BTBD9: variants seen among roughly 807,000 people sequenced by gnomAD.
BTBD9 encodes BTB domain containing 9.
In BTBD9, 49 loss-of-function variants were observed where a neutral mutation model predicts 64.3. The ratio of observed to expected loss-of-function variants is 0.76; its 90% CI spans 0.61 to 0.97. The LOEUF (loss-of-function observed/expected upper bound fraction) is 0.97. BTBD9 is among the 50% of genes least tolerant of loss of function. BTBD9 has a pLI of 0.00. For missense variants in BTBD9, 598 were observed against 762.1 expected (o/e 0.78, Z 2.53); for synonymous variants, 260 against 274.7 (o/e 0.95, Z 0.53).
intron 6 of BTBD9, among the ~76,000 whole-genome samples, chr6:38,565,377 AC>A (rs1237736935): frequency 6.6e-6 from 1 of 152,052 alleles, no homozygotes; most frequent in Non-Finnish European, 1.5e-5. Context: ...ACCCCTCAAA[AC>A]AGTCTCCAGA....
chr6:38,418,596 C>T (rs1022244310), intron 6 of BTBD9, among the ~76,000 whole-genome samples: 2 of 152,162 alleles, frequency 1.3e-5, no homozygotes, highest in Non-Finnish European at 2.9e-5. Flanking sequence ...TATTGCTCAA[C>T]CTGTTTTTAA....
Position 38,293,189 on chromosome 6 carries a change from T to C in BTBD9, c.1265-4728A>G, listed in dbSNP as rs147350063. On this transcript the variant is annotated intron_variant, in intron 7 of 10. Transcript: ENST00000481247. The stretch of plus-strand genomic sequence containing the variant: ...AGAACACAAACGAATGGAAAAACAT[T>C]CCATTTGTTTTTCATGGATAGGAAA... Among the ~76,000 whole-genome samples, 800 of 152,274 alleles carry C rather than the reference T, an allele frequency of 5.3e-3. 11 individuals carry two copies. Among genetic ancestry groups the C allele is most frequent in the African/African-American group, 0.018 (742 of 41,556 alleles).
chr6:38,491,357 CCT>C (rs1402558933), intron 6 of BTBD9, among the ~76,000 whole-genome samples: 2 of 152,160 alleles, frequency 1.3e-5, no homozygotes, highest in Non-Finnish European at 1.5e-5. Flanking sequence ...CCAACAAAGC[CCT>C]GAGTCCAGGT....
At chr6:38,193,991 T>C in intron 9 of BTBD9, 5 of 727,556 alleles carry the variant, frequency 6.9e-6, no homozygotes, top group Non-Finnish European at 8.4e-6. Flanking sequence ...GAAAAATCAC[T>C]GTCTCCATAA....
At chr6:38,419,811 G>A (rs568017293) in intron 6 of BTBD9, among the ~76,000 whole-genome samples, 71 of 152,078 alleles carry the variant, frequency 4.7e-4, no homozygotes, top group African/African-American at 1.4e-3. Flanking sequence ...TAGAGGTTGC[G>A]GTAAGCCGAG....
At position 38,423,872 on chromosome 6, in the gene BTBD9, CTA is replaced by C. The variant is rs368331829; in HGVS notation, c.1155-78781_1155-78780del. The stretch of plus-strand genomic sequence containing the variant: ...TTGGTGGTCTAAGATGAATAAGCGA[CTA>C]TATTTTTAAGTAGTTCACGACAGGG... On this transcript the variant is annotated intron_variant, in intron 6 of 10. Transcript: ENST00000481247. Among the ~76,000 whole-genome samples, 85 of 150,196 alleles carry C rather than the reference CTA, an allele frequency of 5.7e-4. No individual in the cohort carries two copies. The Middle Eastern group carries it at 0.01, about 18-fold the overall frequency.
intron 6 of BTBD9, among the ~76,000 whole-genome samples, chr6:38,398,659 G>A (rs1369984578): frequency 6.6e-6 from 1 of 152,108 alleles, no homozygotes; most frequent in African/African-American, 2.4e-5. Context: ...AGAAAAGAAG[G>A]AAACCCCCAA....
chr6:38,382,780 T>G (rs1230619550), intron 6 of BTBD9, among the ~76,000 whole-genome samples: 1 of 152,084 alleles, frequency 6.6e-6, no homozygotes, highest in Non-Finnish European at 1.5e-5. Flanking sequence ...TAAATAACTT[T>G]AAGTCAATAA....
At chr6:38,545,855 T>TACACATAC (rs1774527975) in intron 6 of BTBD9, among the ~76,000 whole-genome samples, 1 of 130,594 alleles carries the variant, frequency 7.7e-6, no homozygotes, top group Admixed American at 7.9e-5. Flanking sequence ...CACACACACA[T>TACACATAC]ACACACACAC....
At chr6:38,302,485 G>GTATGTGTGTGTATATATA (rs1384155514) in intron 7 of BTBD9, among the ~76,000 whole-genome samples, 28 of 106,892 alleles carry the variant, frequency 2.6e-4, no homozygotes, top group African/African-American at 9.6e-4. Flanking sequence ...TTGTGTGTAT[G>GTATGTGTGTGTATATATA]TATATATATA....
At chr6:38,212,848 C>G (rs1222795824) in intron 9 of BTBD9, among the ~76,000 whole-genome samples, 2 of 152,152 alleles carry the variant, frequency 1.3e-5, no homozygotes, top group Non-Finnish European at 2.9e-5. Context: ...AATACCACCC[C>G]CTTCTCCCCC....
chr6:38,402,258 C>T (rs562076821), intron 6 of BTBD9, among the ~76,000 whole-genome samples: 44 of 151,896 alleles, frequency 2.9e-4, no homozygotes, highest in Non-Finnish European at 4.6e-4. Context: ...GTTAAGGTGA[C>T]GATACTTCTC....
At chr6:38,255,935 G>A (rs1308688254) in intron 9 of BTBD9, among the ~76,000 whole-genome samples, 1 of 152,128 alleles carries the variant, frequency 6.6e-6, no homozygotes, top group Non-Finnish European at 1.5e-5. Flanking sequence ...GGGGGGGTAG[G>A]AGAGGGATAG....
chr6:38,290,700 C>A (rs1185084295), intron 7 of BTBD9, among the ~76,000 whole-genome samples: 2 of 152,108 alleles, frequency 1.3e-5, no homozygotes, highest in East Asian at 3.9e-4. Flanking sequence ...AAAACTCTTC[C>A]CCAAAAGTAA....
intron 1 of BTBD9, among the ~76,000 whole-genome samples, chr6:38,615,063 C>A (rs922754225): frequency 2.0e-5 from 3 of 152,246 alleles, no homozygotes; most frequent in African/African-American, 7.2e-5. Flanking sequence ...TTCCCCCTGA[C>A]TTTCCCTAGC....
At chr6:38,425,262 C>T (rs4711547) in intron 6 of BTBD9, among the ~76,000 whole-genome samples, 72,429 of 151,354 alleles carry the variant, frequency 0.48, 18,096 homozygotes, top group Middle Eastern at 0.64. Flanking sequence ...CCTGCCACCA[C>T]GCCTAGTTAA....
intron 9 of BTBD9, chr6:38,207,221 G>A: frequency 5.0e-6 from 1 of 198,180 alleles, no homozygotes; most frequent in Admixed American, 5.1e-5. Context: ...GGGAGAGGGA[G>A]GAAATGCAAG....
intron 6 of BTBD9, among the ~76,000 whole-genome samples, chr6:38,495,965 G>A (rs900533381): frequency 6.6e-6 from 1 of 152,162 alleles, no homozygotes; most frequent in Non-Finnish European, 1.5e-5. Context: ...GAATCCTTTG[G>A]AGAGAAGAGA....
At chr6:38,227,410 T>A (rs1763435380) in intron 9 of BTBD9, among the ~76,000 whole-genome samples, 1 of 152,158 alleles carries the variant, frequency 6.6e-6, no homozygotes, top group Non-Finnish European at 1.5e-5. Flanking sequence ...GCCTAAACAA[T>A]GAACCTCTCA....
Sources: gnomAD v4.1 joint callset for allele counts (sites outside exome capture counted in the v4.1 genomes callset) on GRCh38, gnomAD v4.1.1 for gene constraint, MANE v1.5 for transcripts, NCBI Gene and HGNC (gene_info 2026-07-23, HGNC 2026-07-21) for gene names.